RBFOX1: variants seen among roughly 807,000 people sequenced by gnomAD.
RBFOX1 encodes RNA binding protein fox-1 homolog 1.
RBFOX1 carries 8 observed loss-of-function variants against 57.7 expected under a neutral mutation model. That is an observed-to-expected ratio of 0.14 (90% CI 0.08 to 0.25). The LOEUF (loss-of-function observed/expected upper bound fraction) is 0.25. Ranked by LOEUF, RBFOX1 falls within the 10% of genes least tolerant of loss-of-function variation. The probability of loss-of-function intolerance (pLI) is 1.00; values close to 1 mark genes in which losing one functional copy is unlikely to be tolerated. For synonymous variants in RBFOX1, 326 were observed against 222.4 expected (o/e 1.47, Z -4.15); for missense variants, 611 against 548.5 (o/e 1.11, Z -1.14).
chr16:5,626,395 C>T (rs1330446179), intron 3 of RBFOX1, among the ~76,000 whole-genome samples: 1 of 152,132 alleles, frequency 6.6e-6, no homozygotes, highest in Non-Finnish European at 1.5e-5. Flanking sequence ...AGGAGGACAC[C>T]AGTCAGGTTG....
At position 7,237,346 on chromosome 16, in the gene RBFOX1, G is replaced by T. The variant is rs142359191; in HGVS notation, c.27+185248G>T. Among the ~76,000 whole-genome samples the T allele has an allele frequency of 5.9e-5, 9 of 152,226 alleles. No homozygotes were observed. In the East Asian group the frequency reaches 1.7e-3, roughly 29 times the overall value. On this transcript the variant is annotated intron_variant, in intron 4 of 15. Transcript: ENST00000550418. ...TCATCAGAGTGCAGAATGGATTTTG[G>T]CCATGCCCTTAATTGAGTGTTCTGT...
intron 4 of RBFOX1, among the ~76,000 whole-genome samples, chr16:7,485,263 C>T (rs1181627377): frequency 6.6e-6 from 1 of 152,186 alleles, no homozygotes. Context: ...TGCACCCTCG[C>T]GTGTTGCTTT....
Position 7,191,094 on chromosome 16 carries a change from C to T in RBFOX1, c.27+138996C>T, listed in dbSNP as rs545059322. ...GTGATATCATTAGAACATAATGAAA[C>T]TGTGATTCCTAACCCAGAGGAAAAT... On this transcript the variant is annotated intron_variant, in intron 4 of 15. Transcript: ENST00000550418. Among the ~76,000 whole-genome samples the T allele has an allele frequency of 8.7e-4, 133 of 152,208 alleles. 1 individual carries two copies. The highest frequency in any genetic ancestry group is 3.4e-3 in the Middle Eastern group (1 of 294).
chr16:6,202,825 T>C (rs2097223647), intron 1 of RBFOX1, among the ~76,000 whole-genome samples: 1 of 152,160 alleles, frequency 6.6e-6, no homozygotes, highest in Non-Finnish European at 1.5e-5. Context: ...TCTCATTCTG[T>C]TGCCCAGGCT....
intron 3 of RBFOX1, among the ~76,000 whole-genome samples, chr16:6,801,928 C>A (rs918499292): frequency 6.6e-6 from 1 of 151,984 alleles, no homozygotes; most frequent in Non-Finnish European, 1.5e-5. Flanking sequence ...TTCATCTGGA[C>A]CTTCAGTAAA....
At chr16:5,524,428 G>A (rs1179216987) in intron 2 of RBFOX1, among the ~76,000 whole-genome samples, 1 of 152,160 alleles carries the variant, frequency 6.6e-6, no homozygotes, top group Admixed American at 6.5e-5. Context: ...GAATTTGTGA[G>A]TAGTGCTGCA....
intron 4 of RBFOX1, among the ~76,000 whole-genome samples, chr16:7,341,827 C>A (rs952442030): frequency 7.4e-6 from 1 of 135,890 alleles, no homozygotes; most frequent in Admixed American, 7.6e-5. Flanking sequence ...TCCTTCCTTC[C>A]TTTTTGAGGT....
intron 2 of RBFOX1, among the ~76,000 whole-genome samples, chr16:6,319,107 G>C (rs1239045302): frequency 6.6e-6 from 1 of 152,044 alleles, no homozygotes; most frequent in African/African-American, 2.4e-5. Context: ...GATGCATGCT[G>C]GTTGAGAAAT....
chr16:6,850,296 A>G (rs968508106), intron 3 of RBFOX1, among the ~76,000 whole-genome samples: 1 of 152,196 alleles, frequency 6.6e-6, no homozygotes, highest in Non-Finnish European at 1.5e-5. Flanking sequence ...ACTTACAAAT[A>G]TTGACAGGTA....
intron 3 of RBFOX1, among the ~76,000 whole-genome samples, chr16:6,887,004 C>CAA (rs2064206866): frequency 1.3e-5 from 2 of 151,958 alleles, no homozygotes. Flanking sequence ...TAATTTTTTC[C>CAA]ACTTTCTGGT....
chr16:6,971,079 G>T (rs536659686), intron 3 of RBFOX1, among the ~76,000 whole-genome samples: 1 of 152,166 alleles, frequency 6.6e-6, no homozygotes, highest in Non-Finnish European at 1.5e-5. Context: ...GGACACATGC[G>T]TTTCCTGATT....
At chr16:7,032,000 C>T (rs1333749018) in intron 3 of RBFOX1, among the ~76,000 whole-genome samples, 1 of 152,164 alleles carries the variant, frequency 6.6e-6, no homozygotes, top group African/African-American at 2.4e-5. Flanking sequence ...AGTATGGCCT[C>T]CTGGCTTTGC....
At chr16:6,969,468 C>G (rs2085027993) in intron 3 of RBFOX1, among the ~76,000 whole-genome samples, 1 of 152,018 alleles carries the variant, frequency 6.6e-6, no homozygotes, top group African/African-American at 2.4e-5. Context: ...GGTGTGGTGG[C>G]TCATGCCTGT....
rs550509646 is a variant in RBFOX1 at position 5,519,418 on chromosome 16, T to C, written c.258+52164T>C. On this transcript the variant is annotated intron_variant, in intron 2 of 2. Transcript: ENST00000585867. ...GGTAGGAGGCAGATATGCTCACCCA[T>C]ACTTAATTTGTTAAAATAGGCTGAG... Among the ~76,000 whole-genome samples, 7 of 152,296 alleles carry C rather than the reference T, an allele frequency of 4.6e-5. No individual in the cohort carries two copies. The South Asian group carries it at 1.5e-3, about 32-fold the overall frequency.
At chr16:6,756,150 C>T (rs1236296012) in intron 3 of RBFOX1, among the ~76,000 whole-genome samples, 3 of 151,990 alleles carry the variant, frequency 2.0e-5, no homozygotes. Context: ...TAATTTCAAG[C>T]ATTTAAAAAA....
At chr16:5,694,717 C>G (rs1020587027) in intron 3 of RBFOX1, among the ~76,000 whole-genome samples, 2 of 151,740 alleles carry the variant, frequency 1.3e-5, no homozygotes, top group East Asian at 3.9e-4. Context: ...TTAAAGTAGA[C>G]CACTCACAGC....
intron 4 of RBFOX1, among the ~76,000 whole-genome samples, chr16:7,210,478 A>T (rs537339655): frequency 2.6e-4 from 39 of 152,306 alleles, no homozygotes; most frequent in African/African-American, 8.9e-4. Flanking sequence ...CTTAAAGACA[A>T]TCAATGTTAG....
chr16:6,146,196 G>T (rs967561044), intron 1 of RBFOX1, among the ~76,000 whole-genome samples: 1 of 152,172 alleles, frequency 6.6e-6, no homozygotes, highest in African/African-American at 2.4e-5. Flanking sequence ...GGGGGTGGAG[G>T]CAGGAGAAGC....
rs535101469 is a variant in RBFOX1 at position 5,947,628 on chromosome 16, G to A, written c.351+80293G>A. ...ATGATCCACCATGTCTTGACCCTTCGATTTTAGGTATTTTTATGGCATCCC... is the reference window on the plus strand; with the variant it reads ...ATGATCCACCATGTCTTGACCCTTCAATTTTAGGTATTTTTATGGCATCCC... On this transcript the variant is annotated intron_variant, in intron 4 of 19. Coordinates refer to the RBFOX1 transcript ENST00000641259. The surrounding 1 kb of genome is among the most constrained non-coding windows in gnomAD (Gnocchi z 7.2). Among the ~76,000 whole-genome samples, 14 of 152,220 alleles carry A rather than the reference G, an allele frequency of 9.2e-5. No homozygotes were observed. Among genetic ancestry groups the A allele is most frequent in the Admixed American group, 1.3e-4 (2 of 15,282 alleles).
Sources: gnomAD v4.1 joint callset for allele counts (sites outside exome capture counted in the v4.1 genomes callset) on GRCh38, gnomAD v4.1.1 for gene constraint, Gnocchi (gnomAD v3.1) non-coding constraint, MANE v1.5 for transcripts, NCBI Gene and HGNC (gene_info 2026-07-23, HGNC 2026-07-21) for gene names.